The following SUCLG2 variants were observed in gnomAD, a reference collection of about 807,000 sequenced individuals.
SUCLG2 encodes the protein succinate--CoA ligase [GDP-forming] subunit beta, mitochondrial.
A neutral mutation model predicts 47.9 loss-of-function variants in SUCLG2; 42 were observed. That is an observed-to-expected ratio of 0.88 (90% CI 0.69 to 1.14). The LOEUF is 1.14. Ranked by LOEUF, SUCLG2 falls within the 50% of genes most tolerant of loss-of-function variation. The probability of loss-of-function intolerance (pLI) is 0.00; values close to 1 mark genes in which losing one functional copy is unlikely to be tolerated. For synonymous variants in SUCLG2, 195 were observed against 197.3 expected, an observed-to-expected ratio of 0.99 and a Z score of 0.10; for missense variants, 571 against 525.9, an observed-to-expected ratio of 1.09 and a Z score of -0.84.
At chr3:67,522,204 C>T (rs1035032941) in intron 4 of SUCLG2, among the ~76,000 whole-genome samples, 4 of 151,834 alleles carry the variant, frequency 2.6e-5, no homozygotes, top group Admixed American at 2.6e-4. Context: ...TCCATAGCCA[C>T]TTAATTTTTG....
At chr3:67,580,626 G>A (rs1160796507) in intron 2 of SUCLG2, among the ~76,000 whole-genome samples, 1 of 152,184 alleles carries the variant, frequency 6.6e-6, no homozygotes, top group East Asian at 1.9e-4. Context: ...GCAAACGGCA[G>A]AGATTGTCCC....
intron 1 of SUCLG2, among the ~76,000 whole-genome samples, chr3:67,636,690 G>C (rs761749954): frequency 1.3e-5 from 2 of 152,078 alleles, no homozygotes; most frequent in African/African-American, 2.4e-5. Flanking sequence ...TAGAGACGGG[G>C]TTTCACCGTG....
At chr3:67,481,666 T>A (rs540934167) in intron 9 of SUCLG2, among the ~76,000 whole-genome samples, 2 of 152,212 alleles carry the variant, frequency 1.3e-5, no homozygotes, top group Non-Finnish European at 2.9e-5. Flanking sequence ...TGACCTTAAG[T>A]ATAATATTGC....
At chr3:67,382,080 T>A (rs1702170841) in intron 10 of SUCLG2, among the ~76,000 whole-genome samples, 1 of 152,208 alleles carries the variant, frequency 6.6e-6, no homozygotes, top group African/African-American at 2.4e-5. Context: ...TTAAAAGTTA[T>A]TATTTTAATA....
intron 9 of SUCLG2, among the ~76,000 whole-genome samples, chr3:67,484,135 A>G (rs903036910): frequency 5.9e-5 from 9 of 152,190 alleles, no homozygotes; most frequent in Non-Finnish European, 8.8e-5. Context: ...TTCCTGTACA[A>G]CCAACCATTT....
chr3:67,507,036 A>G (rs1014957699), intron 7 of SUCLG2, among the ~76,000 whole-genome samples: 3 of 152,204 alleles, frequency 2.0e-5, no homozygotes, highest in African/African-American at 4.8e-5. Context: ...TCAATCCTCT[A>G]TAAAATGGGG....
intron 9 of SUCLG2, among the ~76,000 whole-genome samples, chr3:67,402,610 C>A (rs930002998): frequency 6.6e-6 from 1 of 152,128 alleles, no homozygotes; most frequent in Non-Finnish European, 1.5e-5. Context: ...GAGGAACTTG[C>A]CAGAACAATA....
intron 2 of SUCLG2, among the ~76,000 whole-genome samples, chr3:67,559,526 C>A (rs1009067744): frequency 6.6e-6 from 1 of 152,202 alleles, no homozygotes; most frequent in East Asian, 1.9e-4. Context: ...ATAGGGGAAA[C>A]CACCGCCATG....
intron 9 of SUCLG2, among the ~76,000 whole-genome samples, chr3:67,406,196 T>C (rs1702803826): frequency 6.6e-6 from 1 of 152,204 alleles, no homozygotes. Context: ...CAGCTCTTTT[T>C]ATTCAACATG....
At position 67,583,996 on chromosome 3, in the gene SUCLG2, T is replaced by C. The variant is rs145728730; in HGVS notation, c.226+25459A>G. 1.7e-3 allele frequency among the ~76,000 whole-genome samples: 263 copies of C among 152,280 alleles called. 4 individuals are homozygous for C. In the East Asian group the frequency reaches 0.036, roughly 21 times the overall value. On this transcript the variant is annotated intron_variant, in intron 2 of 10. Transcript: ENST00000307227. ...GTCCTTTTTGCCATGTAATACCACA[T>C]ATTCAAGGGCACAAAACTAGGGGTA...
chr3:67,365,743 C>G (rs1352100364), intron 10 of SUCLG2, among the ~76,000 whole-genome samples: 2 of 152,142 alleles, frequency 1.3e-5, no homozygotes, highest in African/African-American at 4.8e-5. Context: ...CAGGCAGTAT[C>G]AGCACATTTA....
intron 2 of SUCLG2, among the ~76,000 whole-genome samples, chr3:67,535,230 G>A (rs955455606): frequency 6.6e-6 from 1 of 152,104 alleles, no homozygotes; most frequent in Non-Finnish European, 1.5e-5. Flanking sequence ...AATTAAGGAG[G>A]CAGAACTACT....
intron 10 of SUCLG2, among the ~76,000 whole-genome samples, chr3:67,388,540 A>C (rs1702307993): frequency 1.3e-5 from 2 of 152,222 alleles, no homozygotes; most frequent in Admixed American, 6.5e-5. Context: ...ATGCCTAATA[A>C]AGGGAAGATG....
intron 4 of SUCLG2, among the ~76,000 whole-genome samples, chr3:67,521,537 A>G (rs1706102981): frequency 6.6e-6 from 1 of 152,174 alleles, no homozygotes; most frequent in South Asian, 2.1e-4. Context: ...CAAGCATTGC[A>G]GTAATGGAAT....
At chr3:67,411,898 CAT>C (rs1002437778) in intron 9 of SUCLG2, among the ~76,000 whole-genome samples, 6 of 152,190 alleles carry the variant, frequency 3.9e-5, no homozygotes, top group Non-Finnish European at 5.9e-5. Flanking sequence ...CACATTCAAA[CAT>C]GTGTTATAAA....
chr3:67,360,870 T>G, intron 10 of SUCLG2: 1 of 949,808 alleles, frequency 1.1e-6, no homozygotes, highest in Non-Finnish European at 1.4e-6. Flanking sequence ...TCCTATTCCT[T>G]AATGGAAACA....
At chr3:67,594,305 A>T (rs1218713305) in intron 2 of SUCLG2, among the ~76,000 whole-genome samples, 1 of 152,216 alleles carries the variant, frequency 6.6e-6, no homozygotes, top group African/African-American at 2.4e-5. Context: ...CTGAGCACAA[A>T]GCCTTATATG....
At chr3:67,491,271 G>A (rs1440642946) in intron 9 of SUCLG2, among the ~76,000 whole-genome samples, 3 of 150,136 alleles carry the variant, frequency 2.0e-5, no homozygotes, top group Non-Finnish European at 4.4e-5. Flanking sequence ...GAAATTACCT[G>A]TGGAGAGAAA....
chr3:67,608,717 G>A (rs1451504356), intron 2 of SUCLG2, among the ~76,000 whole-genome samples: 3 of 150,592 alleles, frequency 2.0e-5, no homozygotes, highest in Non-Finnish European at 3.0e-5. Context: ...TCACTCTGGC[G>A]CCCAGGCTAG....
Sources: allele counts gnomAD v4.1 joint callset (sites outside exome capture counted in the v4.1 genomes callset), GRCh38; gene constraint gnomAD v4.1.1; transcripts MANE v1.5; gene names NCBI Gene and HGNC (gene_info 2026-07-23, HGNC 2026-07-21).